The following EFNA5 variants were observed in gnomAD, a reference collection of about 807,000 sequenced individuals.
EFNA5 encodes the protein ephrin A5.
EFNA5 carries 5 observed loss-of-function variants against 22.9 expected under a neutral mutation model. That is an observed-to-expected ratio of 0.22 (90% CI 0.11 to 0.46). EFNA5 has a LOEUF of 0.46. Among genes scored for constraint, EFNA5 ranks in the 20% least tolerant of loss-of-function variants. The probability of loss-of-function intolerance (pLI) is 0.99; values close to 1 mark genes in which losing one functional copy is unlikely to be tolerated. For missense variants in EFNA5, 237 were observed against 293.3 expected (o/e 0.81, Z 1.40); for synonymous variants, 113 against 112.2 (o/e 1.01, Z -0.04).
intron 1 of EFNA5, among the ~76,000 whole-genome samples, chr5:107,519,815 A>G (rs1747558153): frequency 6.6e-6 from 1 of 152,192 alleles, no homozygotes; most frequent in African/African-American, 2.4e-5. Flanking sequence ...CAGTTAGTGC[A>G]TTTTCATTCT....
chr5:107,481,198 C>T lies in EFNA5; in HGVS notation c.126-53689G>A, dbSNP rs181208672. 1.1e-4 allele frequency among the ~76,000 whole-genome samples: 16 copies of T among 152,272 alleles called. 1 individual carries two copies. The highest frequency in any genetic ancestry group is 4.6e-4 in the Admixed American group (7 of 15,282). ...GTCAACTGCAAATGAGAAAAACCCT[C>T]GGTTCTCCTGTATTCAGGAGAGTTT... On this transcript the variant is annotated intron_variant, in intron 1 of 4. Coordinates refer to ENST00000333274, the MANE Select transcript of EFNA5 (RefSeq NM_001962.3).
chr5:107,510,091 C>T (rs147426326), intron 1 of EFNA5, among the ~76,000 whole-genome samples: 5 of 152,300 alleles, frequency 3.3e-5, no homozygotes, highest in Admixed American at 6.5e-5. Flanking sequence ...ACACAAGGTA[C>T]AGGTCATAAA....
At chr5:107,392,394 A>G (rs556704108) in intron 2 of EFNA5, among the ~76,000 whole-genome samples, 70 of 152,312 alleles carry the variant, frequency 4.6e-4, no homozygotes, top group Non-Finnish European at 9.3e-4. Context: ...GAGATTTCCA[A>G]TGGAGAGGAC....
intron 1 of EFNA5, among the ~76,000 whole-genome samples, chr5:107,634,139 C>T (rs567192066): frequency 6.6e-6 from 1 of 152,214 alleles, no homozygotes; most frequent in Admixed American, 6.5e-5. Context: ...CCGGTCTAAC[C>T]CCCTTTTAAA....
chr5:107,636,206 G>A (rs1750370572), intron 1 of EFNA5, among the ~76,000 whole-genome samples: 2 of 152,074 alleles, frequency 1.3e-5, no homozygotes, highest in South Asian at 4.1e-4. Flanking sequence ...TGACTCCTAA[G>A]ACTCTCCTCA....
chr5:107,430,194 A>T (rs1270942723), intron 1 of EFNA5, among the ~76,000 whole-genome samples: 3 of 152,202 alleles, frequency 2.0e-5, no homozygotes, highest in Non-Finnish European at 4.4e-5. Context: ...ATTTTTGAAC[A>T]TCAAGCTAAC....
In EFNA5 at chr5:107,569,586, T is replaced by C. The variant is rs571171106; in HGVS notation, c.125+100903A>G. Among the ~76,000 whole-genome samples, 274 of 82,980 alleles carry C rather than the reference T, an allele frequency of 3.3e-3. 4 individuals are homozygous for C. Among genetic ancestry groups the C allele is most frequent in the African/African-American group, 0.01 (252 of 25,130 alleles). 54.4% of individuals were successfully genotyped at this position (82,980 alleles called of 152,430 possible). On this transcript the variant is annotated intron_variant, in intron 1 of 4. Transcript: ENST00000333274. ...ATATATATATATATATATATATATATATATATATATTCCCAGCTCTTTGGG... is the reference window on the plus strand; with the variant it reads ...ATATATATATATATATATATATATACATATATATATTCCCAGCTCTTTGGG...
At chr5:107,494,358 C>T (rs1193859223) in intron 1 of EFNA5, among the ~76,000 whole-genome samples, 2 of 152,190 alleles carry the variant, frequency 1.3e-5, no homozygotes, top group East Asian at 3.9e-4. Context: ...CCGGCCCTGC[C>T]GCCCGGGCAG....
At chr5:107,609,122 GTTAAA>G (rs200951272) in intron 1 of EFNA5, among the ~76,000 whole-genome samples, 2,707 of 152,234 alleles carry the variant, frequency 0.018, 76 homozygotes, top group African/African-American at 0.061. Context: ...TCAAGTGGCT[GTTAAA>G]TTAAGTAAGA....
At chr5:107,486,149 C>T (rs1746613568) in intron 1 of EFNA5, among the ~76,000 whole-genome samples, 2 of 152,020 alleles carry the variant, frequency 1.3e-5, no homozygotes, top group Admixed American at 6.6e-5. Flanking sequence ...AAATAAAATT[C>T]CAATAATTTG....
intron 1 of EFNA5, among the ~76,000 whole-genome samples, chr5:107,504,551 G>C (rs958439971): frequency 5.3e-5 from 8 of 152,080 alleles, no homozygotes; most frequent in Non-Finnish European, 1.0e-4. Flanking sequence ...CAAACATTTT[G>C]AGCTGCAGAA....
At chr5:107,514,290 G>A (rs1747433140) in intron 1 of EFNA5, among the ~76,000 whole-genome samples, 1 of 152,124 alleles carries the variant, frequency 6.6e-6, no homozygotes, top group Admixed American at 6.5e-5. Flanking sequence ...ATACAGATTG[G>A]AGTATTCACT....
intron 1 of EFNA5, among the ~76,000 whole-genome samples, chr5:107,654,423 C>G (rs1750786574): frequency 6.6e-6 from 1 of 151,878 alleles, no homozygotes; most frequent in African/African-American, 2.4e-5. Flanking sequence ...ATGATTAAGG[C>G]TATATAAAAT....
At chr5:107,420,844 T>C (rs558265963) in intron 2 of EFNA5, among the ~76,000 whole-genome samples, 2 of 152,232 alleles carry the variant, frequency 1.3e-5, no homozygotes, top group Non-Finnish European at 1.5e-5. Flanking sequence ...CTTTGAAATA[T>C]ATAGCTTTTC....
intron 1 of EFNA5, among the ~76,000 whole-genome samples, chr5:107,669,202 GA>G (rs1049504853): frequency 7.4e-4 from 112 of 151,648 alleles, no homozygotes; most frequent in African/African-American, 2.6e-3. Flanking sequence ...GCAGGAGATA[GA>G]AAAAACTGGA....
At chr5:107,563,377 T>G (rs1374137494) in intron 1 of EFNA5, among the ~76,000 whole-genome samples, 1 of 152,200 alleles carries the variant, frequency 6.6e-6, no homozygotes, top group Non-Finnish European at 1.5e-5. Flanking sequence ...GCTTTCTTTC[T>G]CTTCCAAGTT....
In EFNA5 at chr5:107,523,040, T is replaced by C. The variant is rs530353938; in HGVS notation, c.126-95531A>G. ...AGACAGATAAAGCAAAGAGACAAAC[T>C]GGCTTAATTTACCAAGTTAATATCA... On this transcript the variant is annotated intron_variant, in intron 1 of 4. Coordinates refer to ENST00000333274, the MANE Select transcript of EFNA5 (RefSeq NM_001962.3). Among the ~76,000 whole-genome samples the C allele has an allele frequency of 9.8e-5, 15 of 152,324 alleles. No individual in the cohort carries two copies. In the South Asian group the frequency reaches 1.0e-3, roughly 11 times the overall value.
At chr5:107,466,241 A>G (rs866372219) in intron 1 of EFNA5, among the ~76,000 whole-genome samples, 1 of 152,150 alleles carries the variant, frequency 6.6e-6, no homozygotes, top group Non-Finnish European at 1.5e-5. Flanking sequence ...TAGAGACAAT[A>G]GACGGCTCAT....
chr5:107,647,756 G>T (rs1453679267), intron 1 of EFNA5, among the ~76,000 whole-genome samples: 1 of 152,076 alleles, frequency 6.6e-6, no homozygotes, highest in Non-Finnish European at 1.5e-5. Context: ...CCTCTAAGAG[G>T]ACACATCACT....
Sources: allele counts gnomAD v4.1 joint callset (sites outside exome capture counted in the v4.1 genomes callset), GRCh38; gene constraint gnomAD v4.1.1; transcripts MANE v1.5; gene names NCBI Gene and HGNC (gene_info 2026-07-23, HGNC 2026-07-21).